Variants in PDE4D observed in about 807,000 individuals in gnomAD.
The protein encoded by PDE4D is phosphodiesterase 4D, also known as 3',5'-cyclic-AMP phosphodiesterase 4D.
A neutral mutation model predicts 87.4 loss-of-function variants in PDE4D; 24 were observed. The observed-to-expected ratio is 0.27, with a 90% confidence interval of 0.20 to 0.39. The LOEUF (loss-of-function observed/expected upper bound fraction) is 0.39. Ranked by LOEUF, PDE4D falls within the 10% of genes least tolerant of loss-of-function variation. The pLI, the probability that PDE4D is intolerant of heterozygous loss-of-function variation, is 1.00. For synonymous variants in PDE4D, 384 were observed against 383.2 expected (o/e 1.00, Z -0.02); for missense variants, 714 against 1,041.0 (o/e 0.69, Z 4.32).
At chr5:59,985,155 T>TTTTTTTTTTTC (rs1175344293) in intron 3 of PDE4D, among the ~76,000 whole-genome samples, 1 of 142,406 alleles carries the variant, frequency 7.0e-6, no homozygotes, top group Non-Finnish European at 1.6e-5. Flanking sequence ...GTTTTTTATT[T>TTTTTTTTTTTC]TGAGACAGAG....
intron 2 of PDE4D, among the ~76,000 whole-genome samples, chr5:60,075,295 C>T (rs763112233): frequency 6.6e-6 from 1 of 152,186 alleles, no homozygotes; most frequent in Admixed American, 6.5e-5. Context: ...ATATCAAATT[C>T]TCAGTTGGAA....
At chr5:60,444,845 C>T (rs1745517361) in intron 1 of PDE4D, among the ~76,000 whole-genome samples, 1 of 148,936 alleles carries the variant, frequency 6.7e-6, no homozygotes, top group Admixed American at 6.7e-5. Context: ...TCCTGTGGCA[C>T]AGAGGTTATT....
At chr5:59,540,836 G>C (rs1036504604) in intron 1 of PDE4D, among the ~76,000 whole-genome samples, 1 of 152,180 alleles carries the variant, frequency 6.6e-6, no homozygotes. Context: ...TTGCTCCAAA[G>C]ACATTCCATT....
chr5:59,959,114 G>GCA (rs70975352), intron 3 of PDE4D, among the ~76,000 whole-genome samples: 178 of 149,874 alleles, frequency 1.2e-3, no homozygotes, highest in East Asian at 1.8e-3. Context: ...ACACGCAGGT[G>GCA]CACACACACA....
At chr5:60,281,105 G>A (rs1473051458) in intron 1 of PDE4D, among the ~76,000 whole-genome samples, 1 of 152,206 alleles carries the variant, frequency 6.6e-6, no homozygotes, top group Non-Finnish European at 1.5e-5. Context: ...GGGGAGCTAA[G>A]TCTACCCCTC....
At chr5:59,618,820 G>A (rs536441106) in intron 1 of PDE4D, among the ~76,000 whole-genome samples, 3 of 152,218 alleles carry the variant, frequency 2.0e-5, no homozygotes, top group South Asian at 2.1e-4. Flanking sequence ...CCACCCTCAT[G>A]GGAGGCATTG....
At chr5:59,037,383 C>G (rs1405507651) in intron 6 of PDE4D, among the ~76,000 whole-genome samples, 1 of 152,166 alleles carries the variant, frequency 6.6e-6, no homozygotes, top group Non-Finnish European at 1.5e-5. Context: ...AAAGTGCTCC[C>G]ATTTAGCAGT....
At chr5:59,281,130 T>A (rs1765723044) in intron 1 of PDE4D, among the ~76,000 whole-genome samples, 1 of 152,098 alleles carries the variant, frequency 6.6e-6, no homozygotes, top group Non-Finnish European at 1.5e-5. Context: ...AATATACATG[T>A]TCATACACCT....
intron 1 of PDE4D, among the ~76,000 whole-genome samples, chr5:59,375,759 C>G (rs1456438447): frequency 4.6e-5 from 7 of 152,154 alleles, no homozygotes; most frequent in Admixed American, 3.9e-4. Context: ...GACCAATATT[C>G]TTGATGAACA....
intron 1 of PDE4D, among the ~76,000 whole-genome samples, chr5:60,513,902 T>C (rs1438148943): frequency 6.6e-6 from 1 of 150,874 alleles, no homozygotes; most frequent in South Asian, 2.1e-4. Flanking sequence ...TATCTTAACA[T>C]ATATTTCAAT....
intron 3 of PDE4D, among the ~76,000 whole-genome samples, chr5:59,944,336 T>C (rs1757501489): frequency 6.6e-6 from 1 of 152,170 alleles, no homozygotes; most frequent in African/African-American, 2.4e-5. Flanking sequence ...TACTTTAGGA[T>C]TGTATCTGGG....
At chr5:59,329,599 CT>C (rs1776345617) in intron 1 of PDE4D, among the ~76,000 whole-genome samples, 1 of 152,118 alleles carries the variant, frequency 6.6e-6, no homozygotes, top group Non-Finnish European at 1.5e-5. Flanking sequence ...TATCACAATA[CT>C]TTAGGTATCA....
chr5:60,452,434 C>T (rs904774954), intron 1 of PDE4D, among the ~76,000 whole-genome samples: 26 of 152,112 alleles, frequency 1.7e-4, no homozygotes, highest in Middle Eastern at 3.4e-3. Flanking sequence ...AGCAATAGCC[C>T]GCCACATGTC....
intron 11 of PDE4D, among the ~76,000 whole-genome samples, chr5:58,981,433 T>C (rs867332406): frequency 3.3e-5 from 5 of 151,332 alleles, no homozygotes; most frequent in African/African-American, 1.2e-4. Context: ...ATAAAATAAA[T>C]ACTTAAATAC....
At chr5:59,891,789 AC>A (rs2152754677) in intron 1 of PDE4D, among the ~76,000 whole-genome samples, 1 of 151,218 alleles carries the variant, frequency 6.6e-6, no homozygotes, top group East Asian at 2.0e-4. Flanking sequence ...AGACATGCTC[AC>A]ACACACACAC....
intron 1 of PDE4D, among the ~76,000 whole-genome samples, chr5:59,606,717 G>C (rs1434488110): frequency 6.6e-6 from 1 of 152,148 alleles, no homozygotes; most frequent in African/African-American, 2.4e-5. Context: ...GCCAGGCACT[G>C]TGCTCAATAC....
chr5:59,033,113 T>G (rs1403418992), intron 6 of PDE4D, among the ~76,000 whole-genome samples: 1 of 152,132 alleles, frequency 6.6e-6, no homozygotes, highest in Non-Finnish European at 1.5e-5. Context: ...TAATAATAAA[T>G]ACTTTATAAA....
chr5:59,153,752 GTTT>G (rs34209888), intron 5 of PDE4D, among the ~76,000 whole-genome samples: 6 of 148,980 alleles, frequency 4.0e-5, no homozygotes, highest in African/African-American at 7.4e-5. Context: ...GGTGGGCAGG[GTTT>G]TTTTTTTTGT....
At chr5:59,340,081 T>A (rs943612102) in intron 1 of PDE4D, among the ~76,000 whole-genome samples, 3 of 152,186 alleles carry the variant, frequency 2.0e-5, no homozygotes, top group African/African-American at 7.2e-5. Context: ...AATTCTCTCT[T>A]GATGAGCACT....
Sources: allele counts gnomAD v4.1 joint callset (sites outside exome capture counted in the v4.1 genomes callset), GRCh38; gene constraint gnomAD v4.1.1; transcripts MANE v1.5; gene names NCBI Gene and HGNC (gene_info 2026-07-23, HGNC 2026-07-21).